Variants in DOCK1 observed in about 807,000 individuals in gnomAD.
DOCK1 encodes dedicator of cytokinesis 1.
In DOCK1, 138 loss-of-function variants were observed where a neutral mutation model predicts 262.7. That is an observed-to-expected ratio of 0.53 (90% CI 0.46 to 0.61). The LOEUF (loss-of-function observed/expected upper bound fraction) is 0.61, where lower values mean the gene tolerates loss of function less well. Among genes scored for constraint, DOCK1 ranks in the 20% least tolerant of loss-of-function variants. The pLI, the probability that DOCK1 is intolerant of heterozygous loss-of-function variation, is 0.00. For missense variants in DOCK1, 1,908 were observed against 2,370.7 expected (o/e 0.80, Z 4.05); for synonymous variants, 866 against 867.4 (o/e 1.00, Z 0.03).
intron 35 of DOCK1, among the ~76,000 whole-genome samples, chr10:127,376,894 G>A (rs1229444282): frequency 6.6e-6 from 1 of 152,188 alleles, no homozygotes; most frequent in Non-Finnish European, 1.5e-5. Context: ...TCTAGGGTCA[G>A]GAAACAAACT....
intron 23 of DOCK1, among the ~76,000 whole-genome samples, chr10:127,064,649 G>A (rs1159425241): frequency 3.3e-5 from 5 of 152,096 alleles, no homozygotes; most frequent in East Asian, 1.9e-4. Flanking sequence ...CTCCCCAGGC[G>A]CCCGCCGTGC....
intron 24 of DOCK1, among the ~76,000 whole-genome samples, chr10:127,106,535 A>G (rs1413634665): frequency 6.6e-6 from 1 of 152,188 alleles, no homozygotes; most frequent in Non-Finnish European, 1.5e-5. Context: ...GATTGTTTAC[A>G]GTCTAATTGG....
chr10:127,239,613 G>T (rs2059191064), intron 27 of DOCK1, among the ~76,000 whole-genome samples: 1 of 152,002 alleles, frequency 6.6e-6, no homozygotes, highest in Non-Finnish European at 1.5e-5. Flanking sequence ...ATGAAAGTCA[G>T]TTTAAAAACA....
chr10:127,386,523 T>C (rs900277110), intron 38 of DOCK1, among the ~76,000 whole-genome samples: 3 of 151,454 alleles, frequency 2.0e-5, no homozygotes, highest in Non-Finnish European at 2.9e-5. Context: ...TGATACCTAT[T>C]GTGAACTGTG....
chr10:127,305,452 T>C (rs1440879038), intron 29 of DOCK1, among the ~76,000 whole-genome samples: 1 of 152,314 alleles, frequency 6.6e-6, no homozygotes, highest in East Asian at 1.9e-4. Flanking sequence ...AGGATTTTTG[T>C]GTTCCTCGAG....
intron 27 of DOCK1, among the ~76,000 whole-genome samples, chr10:127,174,302 C>T (rs548398554): frequency 6.6e-6 from 1 of 152,266 alleles, no homozygotes; most frequent in African/African-American, 2.4e-5. Flanking sequence ...TTTCAAGGGG[C>T]AATGGGCAAG....
At chr10:127,022,482 T>C (rs2135443225) in intron 13 of DOCK1, among the ~76,000 whole-genome samples, 1 of 152,288 alleles carries the variant, frequency 6.6e-6, no homozygotes, top group East Asian at 1.9e-4. Context: ...TGGAGTGCAG[T>C]GGCAGGATCT....
intron 28 of DOCK1, among the ~76,000 whole-genome samples, chr10:127,257,014 TAAAATC>T (rs1234519396): frequency 6.6e-6 from 1 of 152,210 alleles, no homozygotes; most frequent in Admixed American, 6.5e-5. Context: ...CCTTGTTTGT[TAAAATC>T]ATGTTTTCCT....
chr10:127,075,552 C>T (rs773003834), intron 23 of DOCK1, among the ~76,000 whole-genome samples: 5 of 152,170 alleles, frequency 3.3e-5, no homozygotes, highest in Non-Finnish European at 7.4e-5. Context: ...TTACTTGACT[C>T]ACAGTTCCAC....
At chr10:126,962,197 T>G (rs2037278655) in intron 1 of DOCK1, among the ~76,000 whole-genome samples, 2 of 151,190 alleles carry the variant, frequency 1.3e-5, no homozygotes, top group African/African-American at 4.9e-5. Flanking sequence ...TTCGCTCTTG[T>G]TGCCCAGGCT....
rs559385253 is a variant in DOCK1, at chr10:127,203,396, C to T, written c.2848-44612C>T. ...AATTACCTACCCTTGACATTTTATG[C>T]GCTTAGTGCAATAAATTATTTTGCT... On this transcript the variant is annotated intron_variant, in intron 27 of 51. Transcript: ENST00000623213. 1.1e-4 allele frequency among the ~76,000 whole-genome samples: 16 copies of T among 152,246 alleles called. No individual in the cohort carries two copies. The South Asian group carries it at 2.1e-3, about 20-fold the overall frequency.
chr10:127,129,774 G>A (rs888250540), intron 27 of DOCK1, among the ~76,000 whole-genome samples: 1 of 152,188 alleles, frequency 6.6e-6, no homozygotes, highest in Non-Finnish European at 1.5e-5. Context: ...TGGGATGGGC[G>A]GACTTAGAGA....
Position 127,409,177 on chromosome 10 carries a change from G to A in DOCK1, c.4263G>A (p.Gln1421=), listed in dbSNP as rs759675258. The change falls in exon 41 of 52, where the codon CAG becomes CAA. Residue 1421 remains glutamine (Q), a splice_region_variant and synonymous_variant. Coordinates refer to ENST00000623213, the MANE Select transcript of DOCK1 (RefSeq NM_001290223.2). The stretch of plus-strand genomic sequence containing the variant: ...ACGATATTAAAAACTCTCCTGGCCA[G>A]TGTATCCTTTAAGACAACCTCATCA... ...PGDDIKNSPG[Q]YIQCFTVKPK... The A allele has an allele frequency of 3.7e-6, 6 of 1,613,618 alleles. No homozygotes were observed. The highest frequency in any genetic ancestry group is 4.2e-6 in the Non-Finnish European group (5 of 1,179,812).
Position 127,233,254 on chromosome 10 carries a change from G to C in DOCK1, c.2848-14754G>C, listed in dbSNP as rs1022857472. ...TTTATTTGGTAATTAGGAAGTGCAA[G>C]CTCTAAATTTTGATAAGATTGATGA... On this transcript the variant is annotated intron_variant, in intron 27 of 51. Coordinates refer to ENST00000623213, the MANE Select transcript of DOCK1 (RefSeq NM_001290223.2). Among the ~76,000 whole-genome samples, 9 of 152,180 alleles carry C rather than the reference G, an allele frequency of 5.9e-5. 1 individual carries two copies. The highest frequency in any genetic ancestry group is 2.2e-4 in the African/African-American group (9 of 41,436).
At chr10:127,262,518 G>A (rs545832777) in intron 29 of DOCK1, among the ~76,000 whole-genome samples, 3 of 152,256 alleles carry the variant, frequency 2.0e-5, no homozygotes, top group South Asian at 4.1e-4. Context: ...GCCCCCATAT[G>A]CTGCCCTTTG....
At chr10:127,363,614 T>C (rs987876126) in intron 33 of DOCK1, among the ~76,000 whole-genome samples, 4 of 152,198 alleles carry the variant, frequency 2.6e-5, no homozygotes, top group African/African-American at 9.7e-5. Context: ...CAAGATAGCT[T>C]AATGTTGGTG....
intron 1 of DOCK1, among the ~76,000 whole-genome samples, chr10:126,913,844 G>A (rs1478818621): frequency 2.0e-5 from 3 of 152,290 alleles, no homozygotes; most frequent in South Asian, 2.1e-4. Flanking sequence ...ATAGAGATCC[G>A]TCTTTGAATA....
intron 27 of DOCK1, among the ~76,000 whole-genome samples, chr10:127,157,668 T>C (rs1334340507): frequency 6.6e-6 from 1 of 152,258 alleles, no homozygotes; most frequent in African/African-American, 2.4e-5. Context: ...TCATTCTTTT[T>C]TTAGCTAGTT....
intron 8 of DOCK1, 71 bp from the exon 9 acceptor site, chr10:126,999,283 G>T: frequency 2.5e-6 from 3 of 1,189,630 alleles, no homozygotes; most frequent in Non-Finnish European, 3.7e-6. Flanking sequence ...TAATTATGAA[G>T]CAATGTGGAT....
Sources: allele counts gnomAD v4.1 joint callset (sites outside exome capture counted in the v4.1 genomes callset), GRCh38; gene constraint gnomAD v4.1.1; transcripts MANE v1.5; gene names NCBI Gene and HGNC (gene_info 2026-07-23, HGNC 2026-07-21).